KAT5: variants seen among roughly 807,000 people sequenced by gnomAD.
The protein encoded by KAT5 is histone acetyltransferase KAT5.
KAT5 carries 31 observed loss-of-function variants against 68.1 expected under a neutral mutation model. The ratio of observed to expected loss-of-function variants is 0.46; its 90% CI spans 0.34 to 0.61. The LOEUF is 0.61. KAT5 is among the 20% of genes least tolerant of loss of function. The pLI is 0.01. For missense variants in KAT5, 451 were observed against 725.5 expected, an observed-to-expected ratio of 0.62 and a Z score of 4.35; for synonymous variants, 365 against 292.6, an observed-to-expected ratio of 1.25 and a Z score of -2.52.
At chr11:65,714,422 CAAAG>C in intron 6 of KAT5, 69 bp from the exon 7 acceptor site, 3 of 1,551,246 alleles carry the variant, frequency 1.9e-6, no homozygotes, top group Non-Finnish European at 2.6e-6. Flanking sequence ...GGAAACCTGT[CAAAG>C]GGCTGTGAGC....
chr11:65,713,370 G>A lies in KAT5; in HGVS notation c.407G>A (p.Gly136Glu). ...REVPASAQASGKTLPIPVQIT... is the reference protein window; with the variant it reads ...REVPASAQASEKTLPIPVQIT... ...CAGCCGGCCTCGGCGCAGGCCAGCG[G>A]GAAGACCTTGCCAATCCCGGTCCAG... is the stretch of plus-strand genomic sequence containing the variant. The change falls in exon 4 of 13, where the codon GGG becomes GAG. Residue 136 changes from glycine to glutamate, a missense_variant. By Grantham distance (98) the Gly-to-Glu change is moderately conservative. Transcript: ENST00000341318. 6.2e-7 allele frequency: 1 copy of A among 1,613,994 alleles called. No individual in the cohort carries two copies. Among genetic ancestry groups the A allele is most frequent in the South Asian group, 1.1e-5 (1 of 91,072 alleles).
Position 65,712,436 on chromosome 11 carries a change from G to T in KAT5, c.169G>T (p.Asp57Tyr). 4 of 1,595,854 alleles carry T rather than the reference G, an allele frequency of 2.5e-6. No individual in the cohort carries two copies. The highest frequency in any genetic ancestry group is 3.4e-6 in the Non-Finnish European group (4 of 1,175,056). The change falls in exon 1 of 13, where the codon GAT (aspartate) becomes TAT (tyrosine). Residue 57 changes from aspartate to tyrosine, a missense_variant. This residue lies in a region of KAT5 where 104 missense variants were observed against 107.3 expected (regional missense o/e 0.97). Coordinates refer to ENST00000341318, the MANE Select transcript of KAT5 (RefSeq NM_182710.3). ...GCTGCGGCGGAACCAGGACAACGAAGATGAGTGGCGTGAGTGACGTTGGGG... is the reference window on the plus strand; with the variant it reads ...GCTGCGGCGGAACCAGGACAACGAATATGAGTGGCGTGAGTGACGTTGGGG... ...PVLRRNQDNE[D>Y]EWPLAEILSV...
chr11:65,715,288 A>C, intron 8 of KAT5: 1 of 270,652 alleles, frequency 3.7e-6, no homozygotes, highest in Non-Finnish European at 7.3e-6. Flanking sequence ...GGATGCACAA[A>C]GGTGGTCTTT....
chr11:65,712,469 C>A, intron 1 of KAT5, 24 bp downstream of exon 1: 1 of 1,578,220 alleles, frequency 6.3e-7, no homozygotes, highest in East Asian at 2.3e-5. Flanking sequence ...GGGGGCGGGA[C>A]TAAGGAACCT....
rs1291739726 is a variant in KAT5, at chr11:65,719,328, C to T, written c.*147C>T. ...GGAGAGGACAGGCCTGGCAGGGGCCCACTGGTGCCCAGCACCAAGGCGAGC... is the reference window on the plus strand; with the variant it reads ...GGAGAGGACAGGCCTGGCAGGGGCCTACTGGTGCCCAGCACCAAGGCGAGC... On this transcript the variant is annotated 3_prime_UTR_variant, in exon 13 of 13. Transcript: ENST00000341318. 2.0e-6 allele frequency: 2 copies of T among 996,030 alleles called. No individual in the cohort carries two copies. Among genetic ancestry groups the T allele is most frequent in the African/African-American group, 1.6e-5 (1 of 61,238 alleles). The allele number at this position is 996,030 out of a possible 1,614,324, so 61.7% of individuals were successfully genotyped here.
In KAT5 at chr11:65,713,209, C is replaced by T. The variant is rs933964347; in HGVS notation, c.385-139C>T. On this transcript the variant is annotated intron_variant, in intron 3 of 12. Coordinates refer to ENST00000341318, the MANE Select transcript of KAT5 (RefSeq NM_182710.3). ...GGGGCCAAATTGCACATGTAGCTCC[C>T]AGAGTCCAGTAGCTAGTCCTGTGTC... 4 of 1,310,614 alleles carry T rather than the reference C, an allele frequency of 3.1e-6. No individual in the cohort carries two copies. The East Asian group carries it at 9.3e-5, about 30-fold the overall frequency. The allele number at this position is 1,310,614 out of a possible 1,614,324, so 81.2% of individuals were successfully genotyped here.
chr11:65,713,976 A>T, intron 6 of KAT5, 128 bp downstream of exon 6: 1 of 850,306 alleles, frequency 1.2e-6, no homozygotes, highest in Non-Finnish European at 1.8e-6. Context: ...TGGTGGGATT[A>T]GGAGACAGGC....
chr11:65,717,298 T>C, intron 10 of KAT5: 1 of 474,652 alleles, frequency 2.1e-6, no homozygotes, highest in Non-Finnish European at 3.9e-6. Flanking sequence ...GGTGCTGATG[T>C]ATCTGGTAAC....
At chr11:65,714,770 T>G (rs751843208) in intron 7 of KAT5, 27 bp downstream of exon 7, 4 of 1,614,178 alleles carry the variant, frequency 2.5e-6, no homozygotes, top group Non-Finnish European at 3.4e-6. Flanking sequence ...GAGGCTGCCT[T>G]CCCAGCACCC....
chr11:65,713,206 T>C, intron 3 of KAT5, 142 bp from the exon 4 acceptor site: 1 of 1,311,444 alleles, frequency 7.6e-7, no homozygotes, highest in African/African-American at 1.5e-5. Flanking sequence ...CACATGTAGC[T>C]CCCAGAGTCC....
At chr11:65,718,560 T>A (rs752745337) in intron 10 of KAT5, 30 bp from the exon 11 acceptor site, 17 of 1,601,668 alleles carry the variant, frequency 1.1e-5, no homozygotes, top group Admixed American at 3.4e-5. Flanking sequence ...TGTGACCTCT[T>A]ACTCACCCTC....
At position 65,716,963 on chromosome 11, in the gene KAT5, C is replaced by T. The variant is rs1472520679; in HGVS notation, c.1245C>T (p.Gly415=). The change falls in exon 10 of 13, where the codon GGC becomes GGT. Residue 415 remains glycine, a synonymous_variant. Transcript: ENST00000341318. ...CTCCCTACCAGCGCCGGGGCTACGGCAAGCTGCTGATCGAGTTCAGTGAGT... is the reference window on the plus strand; with the variant it reads ...CTCCCTACCAGCGCCGGGGCTACGGTAAGCTGCTGATCGAGTTCAGTGAGT... ...TLPPYQRRGY[G]KLLIEFSYEL... 1 of 1,613,966 alleles carries T rather than the reference C, an allele frequency of 6.2e-7. No individual in the cohort carries two copies. Among genetic ancestry groups the T allele is most frequent in the Admixed American group, 1.7e-5 (1 of 60,036 alleles).
rs746356096 is a variant in KAT5 at position 65,719,569 on chromosome 11, C to G, written c.*388C>G. On this transcript the variant is annotated 3_prime_UTR_variant, in exon 13 of 13. Coordinates refer to ENST00000341318, the MANE Select transcript of KAT5 (RefSeq NM_182710.3). ...CAAAAATTTCTGGCTTCTCTTACCC[C>G]TATTGCCCCCGGCAATAAATTGTTT... 4 of 648,054 alleles carry G rather than the reference C, an allele frequency of 6.2e-6. No individual in the cohort carries two copies. Among genetic ancestry groups the G allele is most frequent in the Admixed American group, 2.5e-5 (1 of 39,500 alleles). 40.1% of individuals were successfully genotyped at this position (648,054 alleles called of 1,614,324 possible). A position where few individuals can be genotyped will look rare whatever the true frequency, so the allele number is the denominator to read the frequency against.
Position 65,712,363 on chromosome 11 carries a change from C to A in KAT5, c.96C>A (p.Val32=), listed in dbSNP as rs1307610850. Residue 32 remains valine (V), a synonymous_variant, in exon 1 of 13, where the codon GTC becomes GTA. Transcript: ENST00000341318. ...ARGPPVADPG[V]ALSPQGEIIE... is the part of the protein sequence containing the mutation. The stretch of plus-strand genomic sequence containing the variant: ...GCCCCCCAGTAGCCGACCCTGGCGT[C>A]GCGCTGTCTCCCCAGGGGGAGATAA... 6.5e-7 allele frequency: 1 copy of A among 1,543,070 alleles called. No homozygotes were observed.
chr11:65,713,782 C>A lies in KAT5; in HGVS notation c.624C>A (p.Ala208=). The A allele has an allele frequency of 6.2e-7, 1 of 1,611,512 alleles. No individual in the cohort carries two copies. The highest frequency in any genetic ancestry group is 8.5e-7 in the Non-Finnish European group (1 of 1,178,820). Residue 208 remains alanine, a synonymous_variant, in exon 6 of 13, where the codon GCC becomes GCA. Coordinates refer to ENST00000341318, the MANE Select transcript of KAT5 (RefSeq NM_182710.3). ...TCCTACTATCTCGGCAGAATGGAGC[C>A]GCCCGTAGGGCAGTGGCAGCCCAGC... ...APASVFPQNG[A]ARRAVAAQPG...
At position 65,718,725 on chromosome 11, in the gene KAT5, G is replaced by C. The variant is rs937983227; in HGVS notation, c.1400G>C (p.Gly467Ala). The C allele has an allele frequency of 6.2e-6, 10 of 1,614,058 alleles. No homozygotes were observed. Among genetic ancestry groups the C allele is most frequent in the African/African-American group, 1.3e-5 (1 of 74,910 alleles). Residue 467 changes from glycine to alanine, a missense_variant, in exon 11 of 13, where the codon GGG (glycine) becomes GCG (alanine). Physicochemically the swap from Gly to Ala is moderately conservative, Grantham distance 60 (BLOSUM62 0). This residue lies in a region of KAT5 where 210 missense variants were observed against 423.7 expected (regional missense o/e 0.50). Coordinates refer to ENST00000341318, the MANE Select transcript of KAT5 (RefSeq NM_182710.3). The part of the protein sequence containing the change: ...EILMGLKSES[G>A]ERPQITINEI... ...CTGATGGGGCTGAAGTCGGAGAGCG[G>C]GGAGAGGCCACAGATCACCATCAAG...
intron 6 of KAT5, 113 bp from the exon 7 acceptor site, chr11:65,714,382 C>T (rs760237279): frequency 4.3e-5 from 52 of 1,198,628 alleles, no homozygotes; most frequent in Non-Finnish European, 5.9e-5. Context: ...ATCATGGTAC[C>T]TCCCCCTTAG....
chr11:65,712,089 C>T (rs1340903612), upstream of KAT5: 6 of 562,030 alleles, frequency 1.1e-5, no homozygotes, highest in Non-Finnish European at 1.8e-5. Flanking sequence ...CGGCCTGAGG[C>T]TTGTAACACT....
chr11:65,715,677 C>T lies in KAT5; in HGVS notation c.1029+767C>T, dbSNP rs551932229. On this transcript the variant is annotated intron_variant, in intron 8 of 12. Transcript: ENST00000341318. ...TCGGGAGGCTGAGGCAGGAGAATGG[C>T]GTGAACCCAGGAGGCAGAGTTTGCA... Among the ~76,000 whole-genome samples the T allele has an allele frequency of 5.3e-5, 8 of 152,186 alleles. No individual in the cohort carries two copies. The East Asian group carries it at 1.5e-3, about 29-fold the overall frequency.
Sources: allele counts gnomAD v4.1 joint callset (sites outside exome capture counted in the v4.1 genomes callset), GRCh38; gene constraint gnomAD v4.1.1; regional missense constraint gnomAD v4.1.1; transcripts MANE v1.5; gene names NCBI Gene and HGNC (gene_info 2026-07-23, HGNC 2026-07-21).